CLNK: variants seen among roughly 807,000 people sequenced by gnomAD.
CLNK encodes cytokine-dependent hematopoietic cell linker.
A neutral mutation model predicts 68.6 loss-of-function variants in CLNK; 74 were observed. That is an observed-to-expected ratio of 1.08 (90% confidence interval 0.89 to 1.31). The LOEUF (loss-of-function observed/expected upper bound fraction) is 1.31, where lower values mean the gene tolerates loss of function less well. Among genes scored for constraint, CLNK ranks in the 50% most tolerant of loss-of-function variants. The pLI is 0.00. For missense variants in CLNK, 553 were observed against 515.3 expected, an observed-to-expected ratio of 1.07 and a Z score of -0.71; for synonymous variants, 198 against 172.2, an observed-to-expected ratio of 1.15 and a Z score of -1.17.
At position 10,640,582 on chromosome 4, in the gene CLNK, A is replaced by G. The variant is rs144449758; in HGVS notation, c.11+27277T>C. ...CCTCTATTGCTAACTGCTGTGCAAC[A>G]TTAAGGAAACCGCATGAACATTCTT... On this transcript the variant is annotated intron_variant, in intron 2 of 18. Transcript: ENST00000226951. 2.9e-3 allele frequency among the ~76,000 whole-genome samples: 445 copies of G among 152,374 alleles called. 1 individual carries two copies. The highest frequency in any genetic ancestry group is 4.6e-3 in the Non-Finnish European group (310 of 68,046).
rs527678889 is a variant in CLNK at position 10,489,425 on chromosome 4, C to T, written c.*1042G>A. 4.8e-4 allele frequency: 73 copies of T among 152,174 alleles called. No individual in the cohort carries two copies. Among genetic ancestry groups the T allele is most frequent in the African/African-American group, 1.7e-3 (72 of 41,532 alleles). The allele number at this position is 152,174 out of a possible 1,614,324, so 9.4% of individuals were successfully genotyped here. ...CCTCAGACATATGCTTGCCTGAAGGCTAGTGTAGGATATAATCTGAGCTCT... is the reference window on the plus strand; with the variant it reads ...CCTCAGACATATGCTTGCCTGAAGGTTAGTGTAGGATATAATCTGAGCTCT... On this transcript the variant is annotated 3_prime_UTR_variant, in exon 19 of 19. Transcript: ENST00000226951.
intron 2 of CLNK, among the ~76,000 whole-genome samples, chr4:10,654,963 G>A (rs1243216563): frequency 6.6e-6 from 1 of 151,788 alleles, no homozygotes; most frequent in Non-Finnish European, 1.5e-5. Context: ...TTAGCTGGGC[G>A]CGGTGGCAGC....
At chr4:10,595,742 C>T (rs1721359763) in intron 3 of CLNK, among the ~76,000 whole-genome samples, 1 of 152,108 alleles carries the variant, frequency 6.6e-6, no homozygotes, top group African/African-American at 2.4e-5. Context: ...CACAACTAGC[C>T]ACTGAGCCTC....
intron 18 of CLNK, among the ~76,000 whole-genome samples, chr4:10,494,401 G>T (rs1371330030): frequency 6.6e-6 from 1 of 151,508 alleles, no homozygotes; most frequent in Non-Finnish European, 1.5e-5. Flanking sequence ...ATATGAAATT[G>T]TAACTTTAAC....
At chr4:10,499,749 G>A (rs6834691) in intron 18 of CLNK, among the ~76,000 whole-genome samples, 25,567 of 152,092 alleles carry the variant, frequency 0.17, 2,563 homozygotes, top group Middle Eastern at 0.28. Context: ...CAAGGTCAAG[G>A]TGTTGGAAGG....
Position 10,532,127 on chromosome 4 carries a change from A to G in CLNK, c.630+129T>C, listed in dbSNP as rs1718568195. The G allele has an allele frequency of 2.1e-5, 16 of 747,142 alleles. No individual in the cohort carries two copies. In the South Asian group the frequency reaches 2.4e-4, roughly 11 times the overall value. 46.3% of individuals were successfully genotyped at this position (747,142 alleles called of 1,614,324 possible). ...TCTTATCTTTAAAATAGAGATACTA[A>G]TGCATTTTGAGCATAGCTATTGTGA... is the stretch of plus-strand genomic sequence containing the variant. On this transcript the variant is annotated intron_variant, in intron 12 of 18. Transcript: ENST00000226951.
intron 13 of CLNK, among the ~76,000 whole-genome samples, 195 bp downstream of exon 13, chr4:10,527,881 T>G (rs935946309): frequency 6.6e-6 from 1 of 152,164 alleles, no homozygotes; most frequent in South Asian, 2.1e-4. Flanking sequence ...TAAATCACCC[T>G]GTTTAGACTA....
chr4:10,718,219 G>A, the CLNK span, among the ~76,000 whole-genome samples: 1 of 152,116 alleles, frequency 6.6e-6, no homozygotes, highest in Non-Finnish European at 1.5e-5. Flanking sequence ...CCAAGAAAGA[G>A]AGGAGAAAGA....
chr4:10,543,481 C>G (rs1719114577), intron 8 of CLNK, among the ~76,000 whole-genome samples: 1 of 152,168 alleles, frequency 6.6e-6, no homozygotes. Flanking sequence ...TGATTTTTAA[C>G]CATGTGCTGA....
In CLNK at chr4:10,486,461, C is replaced by G. The variant is rs1203245414; in HGVS notation, c.*4006G>C. On this transcript the variant is annotated 3_prime_UTR_variant, in exon 19 of 19. Coordinates refer to ENST00000226951, the MANE Select transcript of CLNK (RefSeq NM_052964.4). ...GCTGTAAATTATGAATGTAAATGTGCTTAGCTAGAACAAATATTGCTCAGA... is the reference window on the plus strand; with the variant it reads ...GCTGTAAATTATGAATGTAAATGTGGTTAGCTAGAACAAATATTGCTCAGA... The G allele has an allele frequency of 6.6e-6, 1 of 152,084 alleles. No individual in the cohort carries two copies. Among genetic ancestry groups the G allele is most frequent in the Non-Finnish European group, 1.5e-5 (1 of 68,022 alleles). The allele number at this position is 152,084 out of a possible 1,614,324, so 9.4% of individuals were successfully genotyped here. A position where few individuals can be genotyped will look rare whatever the true frequency, so the allele number is the denominator to read the frequency against.
intron 2 of CLNK, among the ~76,000 whole-genome samples, chr4:10,631,694 G>A (rs1346819924): frequency 2.0e-5 from 3 of 152,138 alleles, no homozygotes; most frequent in African/African-American, 7.2e-5. Context: ...AAGATATAGA[G>A]GAGAGAAAGG....
rs1485633270 is a variant in CLNK at position 10,486,874 on chromosome 4, T to C, written c.*3593A>G. ...TCCAGTAATGGGAAACTGACTTAGA[T>C]TATCTTATTTGTTTGTATATTTATT... On this transcript the variant is annotated 3_prime_UTR_variant, in exon 19 of 19. Transcript: ENST00000226951. 12 of 152,216 alleles carry C rather than the reference T, an allele frequency of 7.9e-5. No individual in the cohort carries two copies. 9.4% of individuals were successfully genotyped at this position (152,216 alleles called of 1,614,324 possible).
chr4:10,578,719 G>C (rs948705649), intron 4 of CLNK, among the ~76,000 whole-genome samples: 1 of 150,430 alleles, frequency 6.6e-6, no homozygotes, highest in African/African-American at 2.4e-5. Context: ...CTCCTGAGCA[G>C]CACCACCACA....
chr4:10,658,866 T>A (rs1008745168), intron 2 of CLNK, among the ~76,000 whole-genome samples: 19 of 152,164 alleles, frequency 1.2e-4, no homozygotes, highest in Non-Finnish European at 7.4e-5. Flanking sequence ...CAGAAAAGCA[T>A]GTGGGGTGGG....
At chr4:10,576,702 A>G (rs1025077872) in intron 4 of CLNK, among the ~76,000 whole-genome samples, 1 of 152,172 alleles carries the variant, frequency 6.6e-6, no homozygotes, top group Non-Finnish European at 1.5e-5. Flanking sequence ...GAGCTGAAAA[A>G]AGGAAATAAG....
chr4:10,650,919 G>C (rs1384596488), intron 2 of CLNK, among the ~76,000 whole-genome samples: 3 of 151,998 alleles, frequency 2.0e-5, no homozygotes, highest in Non-Finnish European at 4.4e-5. Flanking sequence ...CTCAAAAGAA[G>C]ACATTTATGC....
At chr4:10,707,432 C>T in the CLNK span, among the ~76,000 whole-genome samples, 1 of 152,228 alleles carries the variant, frequency 6.6e-6, no homozygotes, top group African/African-American at 2.4e-5. Context: ...TGTCTGAACT[C>T]AGGTATTCCT....
chr4:10,593,097 C>T (rs958228878), intron 3 of CLNK, among the ~76,000 whole-genome samples: 1 of 152,132 alleles, frequency 6.6e-6, no homozygotes, highest in African/African-American at 2.4e-5. Flanking sequence ...CATTTTCTTC[C>T]CTGCATCCTC....
chr4:10,589,144 AC>A (rs2108839670), intron 3 of CLNK, among the ~76,000 whole-genome samples: 1 of 152,306 alleles, frequency 6.6e-6, no homozygotes, highest in Admixed American at 6.5e-5. Context: ...GTGGGAGGAA[AC>A]TTTTGGAGGT....
Sources: gnomAD v4.1 joint callset for allele counts (sites outside exome capture counted in the v4.1 genomes callset) on GRCh38, gnomAD v4.1.1 for gene constraint, MANE v1.5 for transcripts, NCBI Gene and HGNC (gene_info 2026-07-23, HGNC 2026-07-21) for gene names.